The following ABCE1 variants were observed in gnomAD, a reference collection of about 807,000 sequenced individuals.
The protein encoded by ABCE1 is ATP binding cassette subfamily E member 1.
In ABCE1, 22 loss-of-function variants were observed where a neutral mutation model predicts 83.4. The observed-to-expected ratio is 0.26, with a 90% CI of 0.19 to 0.38. The LOEUF is 0.38. ABCE1 is among the 10% of genes least tolerant of loss of function. ABCE1 has a pLI of 1.00. For missense variants in ABCE1, 330 were observed against 721.9 expected (o/e 0.46, Z 6.22); for synonymous variants, 204 against 233.7 (o/e 0.87, Z 1.16).
intron 4 of ABCE1, 24 bp downstream of exon 4, chr4:145,108,136 T>C (rs780542852): frequency 1.3e-6 from 2 of 1,593,870 alleles, no homozygotes; most frequent in East Asian, 2.2e-5. Flanking sequence ...TCAGGATTCC[T>C]CTTCTGTCAA....
chr4:145,126,791 C>T (rs1169829778), intron 17 of ABCE1, among the ~76,000 whole-genome samples: 2 of 152,094 alleles, frequency 1.3e-5, no homozygotes, highest in Admixed American at 6.5e-5. Context: ...TTATCTTGCA[C>T]GTCATTGTAT....
intron 10 of ABCE1, 112 bp downstream of exon 10, chr4:145,117,526 C>A: frequency 1.0e-6 from 1 of 953,256 alleles, no homozygotes; most frequent in East Asian, 2.6e-5. Context: ...ATCCAAAACT[C>A]TAGTTCCTTG....
intron 10 of ABCE1, 54 bp downstream of exon 10, chr4:145,117,468 T>C: frequency 6.5e-7 from 1 of 1,546,112 alleles, no homozygotes; most frequent in Non-Finnish European, 8.8e-7. Context: ...CTCTAATGCT[T>C]ATAAACTACA....
intron 9 of ABCE1, 98 bp from the exon 10 acceptor site, chr4:145,117,195 A>G (rs1192564064): frequency 9.6e-7 from 1 of 1,039,106 alleles, no homozygotes; most frequent in African/African-American, 1.6e-5. Context: ...TTATGTCTTT[A>G]TGCTTAAATT....
chr4:145,122,980 T>G (rs1293782767), intron 13 of ABCE1, 41 bp from the exon 14 acceptor site: 1 of 1,356,862 alleles, frequency 7.4e-7, no homozygotes, highest in South Asian at 1.4e-5. Flanking sequence ...AGTTCTATAG[T>G]GAAAGTTTAT....
intron 17 of ABCE1, among the ~76,000 whole-genome samples, chr4:145,127,067 A>G (rs1289559005): frequency 6.6e-6 from 1 of 152,136 alleles, no homozygotes; most frequent in African/African-American, 2.4e-5. Flanking sequence ...CTTAATCCTA[A>G]TAAGAGAACA....
intron 13 of ABCE1, chr4:145,121,759 C>T (rs772138146): frequency 5.4e-6 from 1 of 186,080 alleles, no homozygotes; most frequent in Non-Finnish European, 1.1e-5. Context: ...GTAGTCCCAG[C>T]TACTCAGGAG....
chr4:145,110,708 T>TG, intron 7 of ABCE1: 1 of 541,854 alleles, frequency 1.8e-6, no homozygotes, highest in East Asian at 3.1e-5. Context: ...AACTCCCACC[T>TG]GCCTCAGCCT....
intron 9 of ABCE1, 151 bp from the exon 10 acceptor site, chr4:145,117,142 T>C (rs918037364): frequency 1.4e-5 from 8 of 564,096 alleles, no homozygotes; most frequent in African/African-American, 1.1e-4. Flanking sequence ...AATATGAGCA[T>C]TGATAATGAG....
chr4:145,104,358 AT>A, intron 1 of ABCE1, 27 bp from the exon 2 acceptor site: 1 of 1,200,122 alleles, frequency 8.3e-7, no homozygotes, highest in South Asian at 1.5e-5. Context: ...AACTAATGGC[AT>A]TAAATTTGTT....
intron 4 of ABCE1, 43 bp downstream of exon 4, chr4:145,108,155 T>C: frequency 1.3e-6 from 2 of 1,550,736 alleles, no homozygotes; most frequent in East Asian, 2.2e-5. Flanking sequence ...AAGTTAAGAG[T>C]AAAATACATT....
intron 6 of ABCE1, 50 bp downstream of exon 6, chr4:145,110,290 G>A: frequency 6.3e-7 from 1 of 1,599,340 alleles, no homozygotes; most frequent in Non-Finnish European, 8.5e-7. Flanking sequence ...AAGTATAAAA[G>A]ATATATCAAA....
intron 2 of ABCE1, among the ~76,000 whole-genome samples, chr4:145,105,199 TGATCTAGCTACAATA>T (rs1288115587): frequency 6.6e-6 from 1 of 152,090 alleles, no homozygotes; most frequent in Non-Finnish European, 1.5e-5. Flanking sequence ...GGAGTTTTAC[TGATCTAGCTACAATA>T]GTTCATTCGT....
At chr4:145,122,026 A>G (rs563229506) in intron 13 of ABCE1, 1 of 152,366 alleles carries the variant, frequency 6.6e-6, no homozygotes, top group East Asian at 1.9e-4. Context: ...TATATCCAAT[A>G]AAGGACTTGT....
intron 9 of ABCE1, among the ~76,000 whole-genome samples, chr4:145,113,499 C>T (rs557289577): frequency 1.3e-3 from 195 of 152,240 alleles, no homozygotes; most frequent in Non-Finnish European, 2.4e-3. Flanking sequence ...AATATGCTTT[C>T]AACCCTGGTT....
chr4:145,110,049 TTTGTCA>T (rs2126704132), intron 5 of ABCE1, 48 bp from the exon 6 acceptor site: 2 of 1,435,228 alleles, frequency 1.4e-6, no homozygotes, highest in Admixed American at 2.5e-5. Context: ...ATTCATCCTC[TTTGTCA>T]TTGTATTATT....
intron 13 of ABCE1, 23 bp from the exon 14 acceptor site, chr4:145,122,994 TTAAA>T (rs747594311): frequency 6.9e-7 from 1 of 1,439,468 alleles, no homozygotes; most frequent in Non-Finnish European, 9.5e-7. Flanking sequence ...AGTTTATCAT[TTAAA>T]TACTTTTTTA....
chr4:145,125,221 C>T, intron 17 of ABCE1, 120 bp downstream of exon 17: 3 of 680,810 alleles, frequency 4.4e-6, no homozygotes, highest in Non-Finnish European at 7.2e-6. Context: ...GATTCAAGCA[C>T]TTTTGGGAGG....
At chr4:145,116,811 CT>C (rs1749619808) in intron 9 of ABCE1, among the ~76,000 whole-genome samples, 1 of 151,824 alleles carries the variant, frequency 6.6e-6, no homozygotes, top group African/African-American at 2.4e-5. Context: ...GCCATGTAAT[CT>C]TTTTTTGTTA....
Sources: gnomAD v4.1 joint callset for allele counts (sites outside exome capture counted in the v4.1 genomes callset) on GRCh38, gnomAD v4.1.1 for gene constraint, MANE v1.5 for transcripts, NCBI Gene and HGNC (gene_info 2026-07-23, HGNC 2026-07-21) for gene names.